Variants in NCKAP5 observed in about 807,000 individuals in gnomAD.
NCKAP5 encodes NCK associated protein 5, also known as nck-associated protein 5.
Under a neutral mutation model 167.0 loss-of-function variants are expected in NCKAP5, and 92 were observed. The ratio of observed to expected loss-of-function variants is 0.55; its 90% CI spans 0.47 to 0.66. NCKAP5 has a LOEUF of 0.66. NCKAP5 is among the 30% of genes least tolerant of loss of function. NCKAP5 has a pLI of 0.00. For missense variants in NCKAP5, 2,378 were observed against 2,315.0 expected, an observed-to-expected ratio of 1.03 and a Z score of -0.56; for synonymous variants, 891 against 877.4, an observed-to-expected ratio of 1.02 and a Z score of -0.27.
intron 3 of NCKAP5, among the ~76,000 whole-genome samples, chr2:133,367,540 C>G (rs555782580): frequency 6.6e-6 from 1 of 152,076 alleles, no homozygotes; most frequent in African/African-American, 2.4e-5. Flanking sequence ...AAACAAAGTG[C>G]TGATTTTAGT....
chr2:132,785,098 G>T lies in NCKAP5; in HGVS notation c.1713C>A (p.Gly571=). 6.2e-7 allele frequency: 1 copy of T among 1,614,052 alleles called. No homozygotes were observed. Among genetic ancestry groups the T allele is most frequent in the Non-Finnish European group, 8.5e-7 (1 of 1,179,896 alleles). ...AAAGCTGGAGGTTGAGAGCCATGCG[G>T]CCATGGCCTTGGCCCTGTGGGCCCC... The part of the protein sequence containing the change: ...RERGPQGQGH[G]RMALNLQLSD... The change falls in exon 14 of 20, where the codon GGC becomes GGA. Residue 571 remains glycine, a synonymous_variant. Coordinates refer to ENST00000409261, the MANE Select transcript of NCKAP5 (RefSeq NM_207363.3).
At chr2:133,615,082 T>C in the NCKAP5 span, among the ~76,000 whole-genome samples, 1 of 150,846 alleles carries the variant, frequency 6.6e-6, no homozygotes, top group Admixed American at 6.6e-5. Flanking sequence ...TAAAATACTT[T>C]ACAGACAAGC....
intron 10 of NCKAP5, among the ~76,000 whole-genome samples, chr2:132,867,041 A>T (rs1690411312): frequency 1.3e-5 from 2 of 152,086 alleles, no homozygotes; most frequent in South Asian, 4.1e-4. Context: ...TCACAGTAGC[A>T]TGTCTTTCTG....
intron 6 of NCKAP5, among the ~76,000 whole-genome samples, chr2:133,125,055 T>TC (rs1433261498): frequency 3.3e-5 from 5 of 150,974 alleles, no homozygotes; most frequent in African/African-American, 9.7e-5. Flanking sequence ...TCAATAATAA[T>TC]AATCATCATC....
At chr2:133,451,373 T>C (rs895086859) in intron 3 of NCKAP5, among the ~76,000 whole-genome samples, 4 of 152,214 alleles carry the variant, frequency 2.6e-5, no homozygotes, top group Non-Finnish European at 2.9e-5. Flanking sequence ...GACCAGTTCA[T>C]GTTCACATAT....
intron 11 of NCKAP5, among the ~76,000 whole-genome samples, chr2:132,841,375 A>G (rs1475725330): frequency 6.6e-6 from 1 of 152,080 alleles, no homozygotes; most frequent in Middle Eastern, 3.2e-3. Context: ...TTTTTATTAT[A>G]TTTACTTTCA....
intron 19 of NCKAP5, among the ~76,000 whole-genome samples, chr2:132,723,209 G>A (rs1420767941): frequency 1.5e-5 from 2 of 136,580 alleles, no homozygotes; most frequent in Non-Finnish European, 3.0e-5. Context: ...GCAGTGGCAT[G>A]ATCTCGGCTC....
chr2:132,785,718 G>T lies in NCKAP5; in HGVS notation c.1093C>A (p.Gln365Lys), dbSNP rs759277741. ...CTTTTATCCCAGTTTTGTGATGATT[G>T]CTAGGAAAGAAAAGTAGACATCAGA... ...WHDGKNLRKR[Q>K]SSQNWDKRLS... The change falls in exon 14 of 20, where the codon CAA (glutamine) becomes AAA (lysine). Residue 365 changes from glutamine (Q) to lysine (K), a missense_variant and splice_region_variant. Physicochemically the swap from Gln to Lys is moderately conservative, Grantham distance 53. This residue lies in a region of NCKAP5 where 1,049 missense variants were observed against 1,023.4 expected (regional missense o/e 1.02). Transcript: ENST00000409261. 1.3e-6 allele frequency: 2 copies of T among 1,481,984 alleles called. No individual in the cohort carries two copies. 91.8% of individuals were successfully genotyped at this position (1,481,984 alleles called of 1,614,324 possible).
rs1477626037 is a variant in NCKAP5 at position 132,968,056 on chromosome 2, G to A, written c.430-4187C>T. ...AGGCCTGCCTTGCTGGCCAGCTGAG[G>A]GAGGGTCTGTGGTGGAGCATAGTGT... On this transcript the variant is annotated intron_variant, in intron 7 of 19. Coordinates refer to ENST00000409261, the MANE Select transcript of NCKAP5 (RefSeq NM_207363.3). 4.6e-5 allele frequency among the ~76,000 whole-genome samples: 7 copies of A among 152,216 alleles called. No homozygotes were observed. The East Asian group carries it at 1.3e-3, about 29-fold the overall frequency.
the NCKAP5 span, among the ~76,000 whole-genome samples, chr2:133,644,025 G>A: frequency 6.6e-6 from 1 of 152,142 alleles, no homozygotes; most frequent in Non-Finnish European, 1.5e-5. Flanking sequence ...TTTTGGCTAA[G>A]TGCCCTCTGT....
intron 15 of NCKAP5, among the ~76,000 whole-genome samples, chr2:132,774,526 G>C (rs7603615): frequency 1.3e-5 from 2 of 151,806 alleles, no homozygotes; most frequent in East Asian, 3.9e-4. Flanking sequence ...CAGTTGGAAG[G>C]CCCAGGCACT....
intron 2 of NCKAP5, among the ~76,000 whole-genome samples, chr2:133,523,931 A>T (rs115666069): frequency 0.011 from 1,681 of 152,310 alleles, 35 homozygotes; most frequent in African/African-American, 0.039. Context: ...TAAAAAACAT[A>T]TCAATGCCTA....
At position 133,377,865 on chromosome 2, in the gene NCKAP5, G is replaced by T. The variant is rs145987481; in HGVS notation, c.70-74755C>A. Among the ~76,000 whole-genome samples, 911 of 152,202 alleles carry T rather than the reference G, an allele frequency of 6.0e-3. 5 individuals carry two copies. The highest frequency in any genetic ancestry group is 9.9e-3 in the Non-Finnish European group (673 of 68,008). On this transcript the variant is annotated intron_variant, in intron 3 of 19. Coordinates refer to ENST00000409261, the MANE Select transcript of NCKAP5 (RefSeq NM_207363.3). ...CATCTGAGGGCTAAGCCCCAAACTG[G>T]CCTTGGATTCATGAGACCAGGAAAA...
chr2:133,556,106 C>T (rs1358893328), intron 2 of NCKAP5, among the ~76,000 whole-genome samples: 1 of 152,090 alleles, frequency 6.6e-6, no homozygotes, highest in Admixed American at 6.6e-5. Flanking sequence ...ATGGTGGTTA[C>T]CTTAGAGAAT....
chr2:133,535,979 A>G (rs1288653068), intron 2 of NCKAP5, among the ~76,000 whole-genome samples: 2 of 151,784 alleles, frequency 1.3e-5, no homozygotes, highest in African/African-American at 4.8e-5. Context: ...GCCACTTTCT[A>G]ATGCAGTTGT....
chr2:132,955,831 C>G (rs1286967188), intron 8 of NCKAP5, among the ~76,000 whole-genome samples: 1 of 152,164 alleles, frequency 6.6e-6, no homozygotes, highest in East Asian at 1.9e-4. Flanking sequence ...TGTTTCCTGA[C>G]TTTTTAATGA....
chr2:133,018,632 C>T (rs183488361), intron 6 of NCKAP5, among the ~76,000 whole-genome samples: 6 of 152,300 alleles, frequency 3.9e-5, no homozygotes, highest in Admixed American at 1.3e-4. Context: ...GAACTGTGCA[C>T]AGCAAGTGCT....
chr2:133,574,525 C>T, the NCKAP5 span, among the ~76,000 whole-genome samples: 74,682 of 151,352 alleles, frequency 0.49, 19,244 homozygotes, highest in South Asian at 0.58. Flanking sequence ...TTAGTTAAAA[C>T]GACAAAAATG....
intron 3 of NCKAP5, among the ~76,000 whole-genome samples, chr2:133,490,235 T>C (rs1334995662): frequency 6.6e-6 from 1 of 152,182 alleles, no homozygotes; most frequent in Non-Finnish European, 1.5e-5. Context: ...CTCACTCTCA[T>C]TTCCTGAGTG....
Sources: allele counts gnomAD v4.1 joint callset (sites outside exome capture counted in the v4.1 genomes callset), GRCh38; gene constraint gnomAD v4.1.1; regional missense constraint gnomAD v4.1.1; transcripts MANE v1.5; gene names NCBI Gene and HGNC (gene_info 2026-07-23, HGNC 2026-07-21).